KDELR2: variants seen among roughly 807,000 people sequenced by gnomAD.
KDELR2 encodes the protein ER lumen protein-retaining receptor 2.
In KDELR2, 15 loss-of-function variants were observed where a neutral mutation model predicts 23.9. The ratio of observed to expected loss-of-function variants is 0.63; its 90% CI spans 0.42 to 0.97. KDELR2 has a LOEUF of 0.97. KDELR2 is among the 50% of genes least tolerant of loss of function. The pLI is 0.00. For synonymous variants in KDELR2, 119 were observed against 106.2 expected, an observed-to-expected ratio of 1.12 and a Z score of -0.74; for missense variants, 272 against 254.6, an observed-to-expected ratio of 1.07 and a Z score of -0.46.
At chr7:6,482,902 G>A (rs1785933855) in intron 1 of KDELR2, among the ~76,000 whole-genome samples, 1 of 150,734 alleles carries the variant, frequency 6.6e-6, no homozygotes, top group African/African-American at 2.4e-5. Context: ...CTATTCAGGA[G>A]TCTGAGGCAG....
At position 6,483,950 on chromosome 7, in the gene KDELR2, C is replaced by T. The variant is rs772908232; in HGVS notation, c.91+17G>A. 1.0e-5 allele frequency: 15 copies of T among 1,496,838 alleles called. No individual in the cohort carries two copies. In the Admixed American group the frequency reaches 2.3e-4, roughly 22 times the overall value. 92.7% of individuals were successfully genotyped at this position (1,496,838 alleles called of 1,614,324 possible). A position where few individuals can be genotyped will look rare whatever the true frequency, so the allele number is the denominator to read the frequency against. ...CCCCCACGCCCGAGCCTCTCCGGGC[C>T]TTCCCCCGCCGCTCACCGGCGCAGG... On this transcript the variant is annotated intron_variant, in intron 1 of 4. Transcript: ENST00000258739.
chr7:6,473,662 G>A (rs1342680787), intron 2 of KDELR2, among the ~76,000 whole-genome samples: 1 of 152,124 alleles, frequency 6.6e-6, no homozygotes, highest in East Asian at 1.9e-4. Flanking sequence ...ATTTAAGCAC[G>A]GCAAATGTAA....
chr7:6,468,569 G>A (rs1488032769), intron 3 of KDELR2, among the ~76,000 whole-genome samples: 5 of 151,966 alleles, frequency 3.3e-5, no homozygotes, highest in Non-Finnish European at 7.4e-5. Context: ...GCAGTAGCGC[G>A]ATCTTGGCTC....
At chr7:6,483,603 G>A (rs1785957718) in intron 1 of KDELR2, among the ~76,000 whole-genome samples, 1 of 152,210 alleles carries the variant, frequency 6.6e-6, no homozygotes, top group African/African-American at 2.4e-5. Flanking sequence ...ACCCCCACGG[G>A]AGATCCCGGC....
intron 1 of KDELR2, among the ~76,000 whole-genome samples, chr7:6,481,196 C>G (rs1488772153): frequency 6.6e-6 from 1 of 151,976 alleles, no homozygotes; most frequent in Admixed American, 6.6e-5. Flanking sequence ...TGGTGAAACT[C>G]TGTCTCTACT....
chr7:6,468,974 C>T (rs1257179070), intron 3 of KDELR2, among the ~76,000 whole-genome samples: 6 of 149,236 alleles, frequency 4.0e-5, no homozygotes, highest in Admixed American at 2.0e-4. Flanking sequence ...TTTTGAGAGA[C>T]GGAGTCTTAC....
intron 1 of KDELR2, among the ~76,000 whole-genome samples, chr7:6,481,144 G>A (rs1405824389): frequency 1.3e-5 from 2 of 152,178 alleles, no homozygotes; most frequent in African/African-American, 4.8e-5. Context: ...GCCGAAGCGG[G>A]CGGATCATGA....
chr7:6,475,620 C>T (rs551975586), intron 1 of KDELR2, among the ~76,000 whole-genome samples: 1 of 152,342 alleles, frequency 6.6e-6, no homozygotes, highest in Non-Finnish European at 1.5e-5. Context: ...CATGGCACAG[C>T]CACACTCAGC....
intron 2 of KDELR2, among the ~76,000 whole-genome samples, chr7:6,473,916 C>T (rs1785703959): frequency 6.6e-6 from 1 of 152,158 alleles, no homozygotes; most frequent in African/African-American, 2.4e-5. Flanking sequence ...TTAGATTTAT[C>T]ATACTTAAGG....
chr7:6,482,589 C>A (rs1315168462), intron 1 of KDELR2: 1 of 470,592 alleles, frequency 2.1e-6, no homozygotes, highest in Admixed American at 2.4e-5. Flanking sequence ...ACAGGCGAGG[C>A]CTGCAGACAG....
chr7:6,464,472 T>C (rs1785456743), intron 4 of KDELR2, among the ~76,000 whole-genome samples: 2 of 151,938 alleles, frequency 1.3e-5, no homozygotes, highest in Admixed American at 6.6e-5. Context: ...TGAGCCGAGA[T>C]TGCGCCACTG....
intron 4 of KDELR2, among the ~76,000 whole-genome samples, chr7:6,464,450 T>C (rs1785456319): frequency 6.6e-6 from 1 of 151,896 alleles, no homozygotes; most frequent in African/African-American, 2.4e-5. Flanking sequence ...AGCTGCAAGG[T>C]GGAGGTTGCA....
In KDELR2 at chr7:6,466,128, C is replaced by T; in HGVS notation, c.547G>A (p.Ala183Thr). The T allele has an allele frequency of 3.1e-6, 5 of 1,614,134 alleles. No individual in the cohort carries two copies. Among genetic ancestry groups the T allele is most frequent in the Non-Finnish European group, 4.2e-6 (5 of 1,180,022 alleles). ...TATAGGATGGTCTGGACTACGCCGG[C>T]CACCACAGCAATGAGGTCAAAGAAG... The part of the protein sequence containing the change: ...EGFFDLIAVV[A>T]GVVQTILYCD... The change falls in exon 4 of 5, where the codon GCC becomes ACC. Residue 183 changes from alanine to threonine, a missense_variant. Ala to Thr is a moderately conservative substitution (Grantham distance 58, BLOSUM62 0). Transcript: ENST00000258739.
At chr7:6,469,216 T>C (rs1785572619) in intron 3 of KDELR2, among the ~76,000 whole-genome samples, 2 of 151,986 alleles carry the variant, frequency 1.3e-5, no homozygotes, top group Non-Finnish European at 2.9e-5. Flanking sequence ...CCTCCCAAAG[T>C]GCTGGAATTA....
rs1785424525 is a variant in KDELR2 at position 6,463,142 on chromosome 7, T to C, written c.638A>G (p.Ter213=). Residue 213 remains the stop codon, a stop_retained_variant, in exon 5 of 5, where the codon TAA becomes TGA. Coordinates refer to ENST00000258739, the MANE Select transcript of KDELR2 (RefSeq NM_006854.4). ...LKGKKLSLPA[*] ...GATGCTGGTGATGGTCTTTGGCACT[T>C]ATGCTGGCAAACTGAGCTTCTTTCC... is the stretch of plus-strand genomic sequence containing the variant. 1.2e-6 allele frequency: 2 copies of C among 1,614,064 alleles called. No individual in the cohort carries two copies. The highest frequency in any genetic ancestry group is 1.3e-5 in the African/African-American group (1 of 75,052).
At chr7:6,464,355 T>A (rs921313791) in intron 4 of KDELR2, among the ~76,000 whole-genome samples, 5 of 143,376 alleles carry the variant, frequency 3.5e-5, no homozygotes, top group Admixed American at 2.1e-4. Flanking sequence ...CCCGTCTCTA[T>A]TAAAAATACA....
intron 4 of KDELR2, 105 bp downstream of exon 4, chr7:6,465,966 C>T (rs1335733102): frequency 1.3e-5 from 16 of 1,203,676 alleles, no homozygotes; most frequent in Non-Finnish European, 1.9e-5. Flanking sequence ...AAGTGTTTCT[C>T]TGGAGCCAGT....
chr7:6,471,819 T>C (rs1157212639), intron 2 of KDELR2, among the ~76,000 whole-genome samples: 1 of 152,092 alleles, frequency 6.6e-6, no homozygotes, highest in African/African-American at 2.4e-5. Flanking sequence ...TGCGTACAAG[T>C]GTTTGTGTGA....
rs1785583393 is a variant in KDELR2, at chr7:6,469,624, A to G, written c.323T>C (p.Leu108Ser). 1 of 1,614,038 alleles carries G rather than the reference A, an allele frequency of 6.2e-7. No individual in the cohort carries two copies. The highest frequency in any genetic ancestry group is 8.5e-7 in the Non-Finnish European group (1 of 1,179,972). ...LVVPVGGLSF[L>S]VNHDFSPLEI... The stretch of plus-strand genomic sequence containing the variant: ...AAGAGGAGAGAAATCGTGATTAACT[A>G]AAAATGAGAGGCCTCCCACAGGGAC... Residue 108 changes from leucine to serine, a missense_variant, in exon 3 of 5, where the codon TTA (leucine) becomes TCA (serine). Coordinates refer to ENST00000258739, the MANE Select transcript of KDELR2 (RefSeq NM_006854.4).
Sources: allele counts gnomAD v4.1 joint callset (sites outside exome capture counted in the v4.1 genomes callset), GRCh38; gene constraint gnomAD v4.1.1; transcripts MANE v1.5; gene names NCBI Gene and HGNC (gene_info 2026-07-23, HGNC 2026-07-21).